PATJ: variants seen among roughly 807,000 people sequenced by gnomAD.
PATJ encodes inaD-like protein.
In PATJ, 190 loss-of-function variants were observed where a neutral mutation model predicts 224.9. The ratio of observed to expected loss-of-function variants is 0.84; its 90% CI spans 0.75 to 0.95. The LOEUF (loss-of-function observed/expected upper bound fraction) is 0.95, where lower values mean the gene tolerates loss of function less well. PATJ is among the 40% of genes least tolerant of loss of function. The pLI is 0.00. For missense variants in PATJ, 2,121 were observed against 2,270.3 expected (o/e 0.93, Z 1.34); for synonymous variants, 769 against 820.3 (o/e 0.94, Z 1.07).
chr1:61,830,800 A>G (rs1367021173), intron 16 of PATJ, among the ~76,000 whole-genome samples: 1 of 152,142 alleles, frequency 6.6e-6, no homozygotes, highest in Non-Finnish European at 1.5e-5. Context: ...TTATTTGGAA[A>G]ATGTTGCTGG....
chr1:61,951,767 T>G (rs1297324479), intron 27 of PATJ, among the ~76,000 whole-genome samples: 1 of 152,170 alleles, frequency 6.6e-6, no homozygotes, highest in African/African-American at 2.4e-5. Flanking sequence ...ACATGCTCAG[T>G]GTGGTTCACC....
At chr1:62,111,997 A>C (rs556388784) in intron 34 of PATJ, among the ~76,000 whole-genome samples, 1 of 152,026 alleles carries the variant, frequency 6.6e-6, no homozygotes, top group Non-Finnish European at 1.5e-5. Flanking sequence ...TTCTGGATGT[A>C]GCTCATCTAA....
At chr1:61,881,255 T>A (rs1212226664) in intron 21 of PATJ, among the ~76,000 whole-genome samples, 1 of 152,078 alleles carries the variant, frequency 6.6e-6, no homozygotes, top group Non-Finnish European at 1.5e-5. Context: ...GAAGAATACA[T>A]AAGGCAGGTA....
At chr1:62,154,110 G>A (rs1470520993) in intron 43 of PATJ, among the ~76,000 whole-genome samples, 1 of 151,996 alleles carries the variant, frequency 6.6e-6, no homozygotes, top group African/African-American at 2.4e-5. Context: ...TGCCCAGGCT[G>A]GTCTCAAACT....
chr1:61,961,541 CATATA>C (rs1352944408), intron 27 of PATJ, among the ~76,000 whole-genome samples: 1 of 152,054 alleles, frequency 6.6e-6, no homozygotes, highest in Non-Finnish European at 1.5e-5. Flanking sequence ...ATTTTATAGT[CATATA>C]ATAGGAGACA....
intron 18 of PATJ, among the ~76,000 whole-genome samples, chr1:61,858,915 T>C (rs533883650): frequency 6.6e-6 from 1 of 152,292 alleles, no homozygotes; most frequent in Admixed American, 6.5e-5. Flanking sequence ...TCTTGACCTT[T>C]TGTGTATTTG....
chr1:61,757,157 G>C (rs369017747), intron 1 of PATJ, among the ~76,000 whole-genome samples: 3 of 146,366 alleles, frequency 2.0e-5, no homozygotes, highest in Non-Finnish European at 3.0e-5. Flanking sequence ...CTGCAACCTC[G>C]ATCTTCTGGG....
At chr1:62,023,742 A>G (rs35073089) in intron 29 of PATJ, among the ~76,000 whole-genome samples, 33 of 152,340 alleles carry the variant, frequency 2.2e-4, no homozygotes, top group African/African-American at 7.0e-4. Context: ...GGAGAGAAGC[A>G]ATCCTTCTTT....
intron 14 of PATJ, among the ~76,000 whole-genome samples, chr1:61,822,429 G>GAAAAAAAAAAAA (rs11427840): frequency 8.6e-5 from 10 of 116,384 alleles, no homozygotes; most frequent in South Asian, 3.0e-4. Context: ...GACTGTGTCA[G>GAAAAAAAAAAAA]AAAAAAAAAA....
chr1:62,053,218 A>G (rs1206950589), intron 31 of PATJ, among the ~76,000 whole-genome samples: 1 of 152,166 alleles, frequency 6.6e-6, no homozygotes, highest in Non-Finnish European at 1.5e-5. Context: ...TTCACCAACA[A>G]TTGAAGGCTT....
At chr1:61,979,699 A>C (rs967808188) in intron 27 of PATJ, among the ~76,000 whole-genome samples, 1 of 151,754 alleles carries the variant, frequency 6.6e-6, no homozygotes, top group African/African-American at 2.4e-5. Flanking sequence ...ATACACATTT[A>C]TTTAATATAC....
chr1:62,137,866 G>GA (rs1249325225), intron 41 of PATJ, among the ~76,000 whole-genome samples: 2 of 151,804 alleles, frequency 1.3e-5, no homozygotes, highest in South Asian at 2.1e-4. Flanking sequence ...CAGGTGGGGG[G>GA]ATCTCCTCCT....
At chr1:61,811,878 A>C (rs551056453) in intron 14 of PATJ, among the ~76,000 whole-genome samples, 2 of 151,296 alleles carry the variant, frequency 1.3e-5, no homozygotes, top group African/African-American at 4.8e-5. Flanking sequence ...TGGCTAACAC[A>C]GTGAAACCCC....
At chr1:62,016,064 T>C (rs1646754723) in intron 28 of PATJ, among the ~76,000 whole-genome samples, 1 of 152,182 alleles carries the variant, frequency 6.6e-6, no homozygotes, top group African/African-American at 2.4e-5. Flanking sequence ...GTGCTGGGAT[T>C]ACAGGTGTGA....
At chr1:61,976,974 TG>T (rs1336335673) in intron 27 of PATJ, among the ~76,000 whole-genome samples, 4 of 152,120 alleles carry the variant, frequency 2.6e-5, no homozygotes, top group Admixed American at 2.0e-4. Context: ...CATAATTTTT[TG>T]GTTTTTCTAA....
At chr1:61,845,999 G>T (rs1418597856) in intron 17 of PATJ, 1 of 152,098 alleles carries the variant, frequency 6.6e-6, no homozygotes, top group Non-Finnish European at 1.5e-5. Flanking sequence ...TAGCACTGTT[G>T]GTCTAAGTTA....
At chr1:61,881,595 A>C (rs1428811163) in intron 21 of PATJ, among the ~76,000 whole-genome samples, 2 of 151,820 alleles carry the variant, frequency 1.3e-5, no homozygotes, top group Non-Finnish European at 2.9e-5. Flanking sequence ...TATTTTTAGT[A>C]GAGACGGGAT....
intron 28 of PATJ, among the ~76,000 whole-genome samples, chr1:62,001,911 A>T (rs1645798115): frequency 6.6e-6 from 1 of 152,180 alleles, no homozygotes; most frequent in Admixed American, 6.5e-5. Flanking sequence ...AAAACTAACA[A>T]ACAGAAAGGA....
intron 22 of PATJ, among the ~76,000 whole-genome samples, chr1:61,894,940 G>T (rs4430362): frequency 0.62 from 94,277 of 151,938 alleles, 30,096 homozygotes; most frequent in Admixed American, 0.69. Context: ...GTTGGTCTCA[G>T]ATGGAGATGA....
Sources: gnomAD v4.1 joint callset for allele counts (sites outside exome capture counted in the v4.1 genomes callset) on GRCh38, gnomAD v4.1.1 for gene constraint, MANE v1.5 for transcripts, NCBI Gene and HGNC (gene_info 2026-07-23, HGNC 2026-07-21) for gene names.